Variants in CNTNAP2 observed in about 807,000 individuals in gnomAD.
CNTNAP2 encodes the protein contactin associated protein 2, also known as contactin-associated protein-like 2.
In CNTNAP2, 98 loss-of-function variants were observed where a neutral mutation model predicts 155.2. The observed-to-expected ratio is 0.63, with a 90% CI of 0.54 to 0.75. The LOEUF (loss-of-function observed/expected upper bound fraction) is 0.75. Ranked by LOEUF, CNTNAP2 falls within the 30% of genes least tolerant of loss-of-function variation. The pLI is 0.00. For missense variants in CNTNAP2, 1,727 were observed against 1,688.1 expected, an observed-to-expected ratio of 1.02 and a Z score of -0.40; for synonymous variants, 651 against 631.2, an observed-to-expected ratio of 1.03 and a Z score of -0.47.
chr7:146,937,046 CAG>C (rs1444884489), intron 3 of CNTNAP2, among the ~76,000 whole-genome samples: 1 of 152,082 alleles, frequency 6.6e-6, no homozygotes, highest in East Asian at 1.9e-4. Context: ...TATTTGAAAA[CAG>C]TGTTTAGGAA....
At chr7:148,157,827 G>A (rs1805433714) in intron 17 of CNTNAP2, among the ~76,000 whole-genome samples, 1 of 152,098 alleles carries the variant, frequency 6.6e-6, no homozygotes, top group Non-Finnish European at 1.5e-5. Context: ...ACATTAAAGA[G>A]TAAATTAATT....
chr7:148,105,679 C>G (rs1010044179), intron 15 of CNTNAP2, among the ~76,000 whole-genome samples: 7 of 152,006 alleles, frequency 4.6e-5, no homozygotes, highest in African/African-American at 9.7e-5. Context: ...CCTCCACCTC[C>G]CAGGTTCAAG....
intron 1 of CNTNAP2, among the ~76,000 whole-genome samples, chr7:146,477,624 A>AACACACACACAC (rs1162610079): frequency 2.1e-4 from 27 of 131,676 alleles, no homozygotes; most frequent in Non-Finnish European, 1.2e-4. Flanking sequence ...TTCTTCAGCA[A>AACACACACACAC]ACACACACAC....
At chr7:147,784,494 AATATATATATATATATAT>A (rs10528525) in intron 13 of CNTNAP2, among the ~76,000 whole-genome samples, 2,258 of 44,850 alleles carry the variant, frequency 0.05, 87 homozygotes, top group Non-Finnish European at 0.091. Context: ...GCTCTGGACT[AATATATATATATATATAT>A]ATATATATAT....
rs1795965031 is a variant in CNTNAP2 at position 147,351,323 on chromosome 7, C to T, written c.1499-44286C>T. On this transcript the variant is annotated intron_variant, in intron 9 of 23. Transcript: ENST00000361727. ...TTATACTAATTTCTGAATATAAGCA[C>T]AGGTGATAGCTTATTATATTTGTTC... Among the ~76,000 whole-genome samples, 2 of 151,298 alleles carry T rather than the reference C, an allele frequency of 1.3e-5. 1 individual carries two copies. Among genetic ancestry groups the T allele is most frequent in the South Asian group, 4.2e-4 (2 of 4,810 alleles).
chr7:147,131,052 A>ATGTGTATATATATGTGTATATATG (rs1801343197), intron 7 of CNTNAP2, among the ~76,000 whole-genome samples: 1 of 148,482 alleles, frequency 6.7e-6, no homozygotes, highest in East Asian at 2.0e-4. Flanking sequence ...ACATATATAT[A>ATGTGTATATATATGTGTATATATG]TGTGTATATA....
intron 14 of CNTNAP2, among the ~76,000 whole-genome samples, chr7:147,913,693 C>A (rs1358842646): frequency 6.6e-6 from 1 of 152,144 alleles, no homozygotes; most frequent in Non-Finnish European, 1.5e-5. Context: ...AGAGTCAGAC[C>A]ATCTACGTTT....
At chr7:147,200,207 A>T (rs1018556187) in intron 8 of CNTNAP2, among the ~76,000 whole-genome samples, 4 of 152,142 alleles carry the variant, frequency 2.6e-5, no homozygotes, top group African/African-American at 7.2e-5. Flanking sequence ...AATGACTTCC[A>T]TGAAAGCATC....
intron 9 of CNTNAP2, among the ~76,000 whole-genome samples, chr7:147,304,149 A>T (rs922494259): frequency 6.6e-6 from 1 of 152,174 alleles, no homozygotes; most frequent in African/African-American, 2.4e-5. Flanking sequence ...ATGCCGGCAA[A>T]GTCTTAGTCC....
intron 14 of CNTNAP2, among the ~76,000 whole-genome samples, chr7:147,914,715 AATTTTTTGT>A (rs1294894053): frequency 1.3e-5 from 2 of 151,916 alleles, no homozygotes; most frequent in African/African-American, 4.8e-5. Flanking sequence ...ACATCTAGCT[AATTTTTTGT>A]ATTTTTTGTA....
intron 8 of CNTNAP2, among the ~76,000 whole-genome samples, chr7:147,261,874 A>C (rs1045999542): frequency 6.6e-6 from 1 of 152,220 alleles, no homozygotes; most frequent in African/African-American, 2.4e-5. Context: ...GCATCTGTTC[A>C]AGTAAAACTG....
intron 1 of CNTNAP2, among the ~76,000 whole-genome samples, chr7:146,177,728 T>C (rs1346812432): frequency 1.3e-5 from 2 of 152,250 alleles, no homozygotes; most frequent in Non-Finnish European, 2.9e-5. Context: ...AACACAAGAA[T>C]ATGTATTTAT....
Position 146,885,414 on chromosome 7 carries a change from C to T in CNTNAP2, c.402+45510C>T, listed in dbSNP as rs1183318609. On this transcript the variant is annotated intron_variant, in intron 3 of 23. Transcript: ENST00000361727. ...AGGGGAATGTCACATGGGTAATTAA[C>T]TTTGAGGCATTTCCTGGGATTTAAA... 2.0e-5 allele frequency among the ~76,000 whole-genome samples: 3 copies of T among 152,072 alleles called. No individual in the cohort carries two copies. The East Asian group carries it at 5.8e-4, about 29-fold the overall frequency.
At chr7:147,927,914 G>T (rs1800426164) in intron 14 of CNTNAP2, among the ~76,000 whole-genome samples, 2 of 152,204 alleles carry the variant, frequency 1.3e-5, no homozygotes, top group African/African-American at 4.8e-5. Flanking sequence ...CAGTCTTGGT[G>T]ATATGGTTTG....
At chr7:147,977,397 G>A (rs1311522308) in intron 14 of CNTNAP2, among the ~76,000 whole-genome samples, 2 of 152,210 alleles carry the variant, frequency 1.3e-5, no homozygotes, top group South Asian at 2.1e-4. Flanking sequence ...AAGAGAGGAA[G>A]GAACAAAAGG....
chr7:148,202,620 GATACA>G (rs1383194299), intron 18 of CNTNAP2, among the ~76,000 whole-genome samples: 3 of 152,178 alleles, frequency 2.0e-5, no homozygotes, highest in African/African-American at 7.2e-5. Context: ...AAAAGCTGCT[GATACA>G]GGGAAAAAAT....
chr7:147,827,062 C>T (rs77603389), intron 13 of CNTNAP2, among the ~76,000 whole-genome samples: 6,708 of 151,554 alleles, frequency 0.044, 267 homozygotes, highest in Admixed American at 0.12. Flanking sequence ...TCCTGAGTAG[C>T]GGGACTACAG....
rs536158796 is a variant in CNTNAP2 at position 146,794,857 on chromosome 7, T to C, written c.208+20476T>C. On this transcript the variant is annotated intron_variant, in intron 2 of 23. Transcript: ENST00000361727. ...GGTATAAAGCAAAAATAGGATTTGA[T>C]CTTTGAAAATATCTATTTTAAAGAA... is the stretch of plus-strand genomic sequence containing the variant. Among the ~76,000 whole-genome samples, 22 of 152,346 alleles carry C rather than the reference T, an allele frequency of 1.4e-4. No individual in the cohort carries two copies. The South Asian group carries it at 4.6e-3, about 32-fold the overall frequency.
At chr7:146,966,418 A>G (rs1797658115) in intron 3 of CNTNAP2, among the ~76,000 whole-genome samples, 1 of 152,330 alleles carries the variant, frequency 6.6e-6, no homozygotes, top group Admixed American at 6.5e-5. Flanking sequence ...ACTGTGCCCA[A>G]GAGCTCAGGC....
Sources: gnomAD v4.1 joint callset for allele counts (sites outside exome capture counted in the v4.1 genomes callset) on GRCh38, gnomAD v4.1.1 for gene constraint, MANE v1.5 for transcripts, NCBI Gene and HGNC (gene_info 2026-07-23, HGNC 2026-07-21) for gene names.